The following DTNA variants were observed in gnomAD, a reference collection of about 807,000 sequenced individuals.
DTNA encodes dystrobrevin alpha.
DTNA carries 43 observed loss-of-function variants against 100.7 expected under a neutral mutation model. The observed-to-expected ratio is 0.43, with a 90% CI of 0.33 to 0.55. The LOEUF is 0.55. DTNA is among the 20% of genes least tolerant of loss of function. DTNA has a pLI of 0.04. For synonymous variants in DTNA, 349 were observed against 347.9 expected (o/e 1.00, Z -0.04); for missense variants, 798 against 953.9 (o/e 0.84, Z 2.15).
At chr18:34,720,436 C>G (rs899462296) in intron 1 of DTNA, among the ~76,000 whole-genome samples, 1 of 152,096 alleles carries the variant, frequency 6.6e-6, no homozygotes, top group Non-Finnish European at 1.5e-5. Flanking sequence ...GGGAATGATG[C>G]TGTTTGGGTT....
At chr18:34,578,419 CTG>C (rs2048320255) in intron 1 of DTNA, among the ~76,000 whole-genome samples, 1 of 145,086 alleles carries the variant, frequency 6.9e-6, no homozygotes, top group South Asian at 2.1e-4. Flanking sequence ...TTTTCCCACT[CTG>C]TGGGCTGCCT....
chr18:34,657,386 T>A (rs1156893851), intron 1 of DTNA, among the ~76,000 whole-genome samples: 1 of 152,176 alleles, frequency 6.6e-6, no homozygotes, highest in South Asian at 2.1e-4. Context: ...TAAAAAAACT[T>A]GTCAAAAAAC....
intron 1 of DTNA, among the ~76,000 whole-genome samples, chr18:34,669,477 A>C (rs762011063): frequency 9.2e-5 from 14 of 152,158 alleles, no homozygotes; most frequent in Non-Finnish European, 1.6e-4. Flanking sequence ...TTGTGATGTT[A>C]GCTGGTTATT....
At chr18:34,811,860 T>A (rs749496813) in intron 5 of DTNA, 99 bp from the exon 6 acceptor site, 7 of 1,377,144 alleles carry the variant, frequency 5.1e-6, no homozygotes, top group Non-Finnish European at 7.1e-6. Context: ...AAAAAATGTT[T>A]ATTTTGCTAC....
At chr18:34,766,112 T>C (rs2093454180) in intron 3 of DTNA, 71 bp downstream of exon 3, 1 of 1,501,382 alleles carries the variant, frequency 6.7e-7, no homozygotes, top group Non-Finnish European at 9.2e-7. Flanking sequence ...CTAAGTTTAT[T>C]AAACTAGATT....
chr18:34,771,696 T>C (rs1463466987), intron 3 of DTNA, among the ~76,000 whole-genome samples: 11 of 152,222 alleles, frequency 7.2e-5, no homozygotes, highest in Admixed American at 7.2e-4. Context: ...GATTATTTGA[T>C]ATTCTAGGAG....
chr18:34,528,561 T>C (rs1300974574), intron 1 of DTNA, among the ~76,000 whole-genome samples: 2 of 152,036 alleles, frequency 1.3e-5, no homozygotes, highest in Non-Finnish European at 2.9e-5. Context: ...ACTGCGAGTG[T>C]GTTAGGTTGA....
At chr18:34,670,950 G>T (rs1390238592) in intron 1 of DTNA, among the ~76,000 whole-genome samples, 2 of 152,198 alleles carry the variant, frequency 1.3e-5, no homozygotes, top group Admixed American at 6.5e-5. Flanking sequence ...CTTCAAAGCT[G>T]TCAGACAGGG....
At chr18:34,529,960 C>A (rs1049617299) in intron 1 of DTNA, among the ~76,000 whole-genome samples, 4 of 152,102 alleles carry the variant, frequency 2.6e-5, no homozygotes, top group Admixed American at 6.6e-5. Context: ...TTAATAAATG[C>A]AACTACCAGG....
At chr18:34,779,852 C>G (rs1374956145) in intron 3 of DTNA, among the ~76,000 whole-genome samples, 1 of 152,088 alleles carries the variant, frequency 6.6e-6, no homozygotes, top group Non-Finnish European at 1.5e-5. Flanking sequence ...AGTAATATTC[C>G]TTAGTATACA....
intron 1 of DTNA, among the ~76,000 whole-genome samples, chr18:34,637,459 TATAA>T (rs1395451312): frequency 6.6e-6 from 1 of 152,182 alleles, no homozygotes; most frequent in Admixed American, 6.5e-5. Context: ...GGAGAATATA[TATAA>T]ATGAGTGAAT....
chr18:34,664,708 C>G (rs1410930398), intron 1 of DTNA, among the ~76,000 whole-genome samples: 1 of 152,092 alleles, frequency 6.6e-6, no homozygotes, highest in East Asian at 1.9e-4. Context: ...CTATCAATAG[C>G]TTTAGCTTTC....
intron 1 of DTNA, among the ~76,000 whole-genome samples, chr18:34,674,483 T>C (rs897645340): frequency 6.6e-6 from 1 of 152,136 alleles, no homozygotes; most frequent in Non-Finnish European, 1.5e-5. Flanking sequence ...CCAGCCATCC[T>C]CTCCCTGACT....
intron 4 of DTNA, among the ~76,000 whole-genome samples, chr18:34,801,592 T>G (rs577605216): frequency 1.3e-5 from 2 of 150,888 alleles, no homozygotes; most frequent in South Asian, 4.2e-4. Flanking sequence ...CTCACTGCAA[T>G]CTCCGCCTCC....
At chr18:34,679,143 A>C (rs187897875) in intron 1 of DTNA, among the ~76,000 whole-genome samples, 9 of 152,300 alleles carry the variant, frequency 5.9e-5, no homozygotes, top group Admixed American at 2.0e-4. Context: ...TTTTCAGTCA[A>C]CTAAATCCAT....
At chr18:34,518,424 A>T (rs527917636) in intron 1 of DTNA, among the ~76,000 whole-genome samples, 2 of 152,076 alleles carry the variant, frequency 1.3e-5, no homozygotes, top group South Asian at 2.1e-4. Flanking sequence ...TTTGATTTTG[A>T]TGAGGACCAT....
At chr18:34,835,425 A>G (rs1253202947) in intron 11 of DTNA, among the ~76,000 whole-genome samples, 16 of 152,232 alleles carry the variant, frequency 1.1e-4, no homozygotes, top group Non-Finnish European at 8.8e-5. Context: ...AATGACAACA[A>G]AAGTTAAGAG....
chr18:34,684,751 T>C (rs1042583736), intron 1 of DTNA, among the ~76,000 whole-genome samples: 2 of 152,190 alleles, frequency 1.3e-5, no homozygotes, highest in Admixed American at 1.3e-4. Context: ...TGAACTAATT[T>C]ACACTCCCAC....
rs558620109 is a variant in DTNA at position 34,872,745 on chromosome 18, G to T, written c.1744-2494G>T. On this transcript the variant is annotated intron_variant, in intron 17 of 22. Coordinates refer to ENST00000444659, the MANE Select transcript of DTNA (RefSeq NM_001386795.1). ...GCCCAGTAGCAGGAAGCCCTAGGAC[G>T]CTGCTCCAGCACCACAAGGTGGTCC... Among the ~76,000 whole-genome samples, 3 of 152,294 alleles carry T rather than the reference G, an allele frequency of 2.0e-5. No homozygotes were observed. The East Asian group carries it at 5.8e-4, about 29-fold the overall frequency.
Sources: gnomAD v4.1 joint callset for allele counts (sites outside exome capture counted in the v4.1 genomes callset) on GRCh38, gnomAD v4.1.1 for gene constraint, MANE v1.5 for transcripts, NCBI Gene and HGNC (gene_info 2026-07-23, HGNC 2026-07-21) for gene names.